Variants in TEX11 observed in about 807,000 individuals in gnomAD.
TEX11 encodes the protein testis expressed 11.
In TEX11, 7 loss-of-function variants were observed where a neutral mutation model predicts 84.4. The ratio of observed to expected loss-of-function variants is 0.08; its 90% confidence interval spans 0.05 to 0.16. The LOEUF (loss-of-function observed/expected upper bound fraction) is 0.16. Among genes scored for constraint, TEX11 ranks in the 10% least tolerant of loss-of-function variants. The pLI, the probability that TEX11 is intolerant of heterozygous loss-of-function variation, is 1.00. For missense variants in TEX11, 551 were observed against 660.5 expected, an observed-to-expected ratio of 0.83 and a Z score of 1.82; for synonymous variants, 264 against 222.8, an observed-to-expected ratio of 1.18 and a Z score of -1.64.
At chrX:70,846,776 T>A (rs1322979996) in intron 7 of TEX11, among the ~76,000 whole-genome samples, 2 of 110,922 alleles carry the variant, frequency 1.8e-5, no homozygotes, top group Non-Finnish European at 3.8e-5. Context: ...ATACAAAAAT[T>A]AGCCGGGCGT....
chrX:70,849,395 A>G (rs1251235868), intron 7 of TEX11, among the ~76,000 whole-genome samples: 1 of 112,049 alleles, frequency 8.9e-6, no homozygotes, highest in East Asian at 2.8e-4. Context: ...TATCTCACCA[A>G]TTAAACTATA....
intron 20 of TEX11, among the ~76,000 whole-genome samples, chrX:70,612,322 T>C (rs754183106): frequency 9.0e-6 from 1 of 111,222 alleles, no homozygotes; most frequent in Non-Finnish European, 1.9e-5. Flanking sequence ...GAGCAAGCAC[T>C]AGAACTAGAC....
intron 16 of TEX11, among the ~76,000 whole-genome samples, chrX:70,667,620 T>C (rs761303841): frequency 1.8e-5 from 2 of 111,939 alleles, no homozygotes; most frequent in Non-Finnish European, 3.8e-5. Context: ...TCAAGGTAAT[T>C]ATAGTGACAG....
chrX:70,865,485 C>T (rs976817450), intron 4 of TEX11, among the ~76,000 whole-genome samples: 2 of 111,414 alleles, frequency 1.8e-5, no homozygotes, highest in South Asian at 3.8e-4. Flanking sequence ...GACAGATCAA[C>T]GAGACAGAAA....
chrX:70,903,869 C>T (rs1355512831), intron 2 of TEX11, among the ~76,000 whole-genome samples: 1 of 107,921 alleles, frequency 9.3e-6, no homozygotes, highest in African/African-American at 3.4e-5. Flanking sequence ...CTCACTCTGT[C>T]ACCCAAGCTG....
the TEX11 span, among the ~76,000 whole-genome samples, chrX:70,515,268 A>C: frequency 0.029 from 2,210 of 74,925 alleles, no homozygotes; most frequent in Admixed American, 0.039. Flanking sequence ...TCCCTCCTCC[A>C]CCCCCCCCCA....
At chrX:70,539,038 A>ATATATATATATTTTTTTTTTT in intron 28 of TEX11, among the ~76,000 whole-genome samples, 2 of 41,255 alleles carry the variant, frequency 4.8e-5, no homozygotes, top group African/African-American at 1.8e-4. Flanking sequence ...ATATATATAT[A>ATATATATATATTTTTTTTTTT]TTTTTTTTTT....
At chrX:70,834,757 CTG>C (rs779152869) in intron 7 of TEX11, among the ~76,000 whole-genome samples, 1 of 101,453 alleles carries the variant, frequency 9.9e-6, no homozygotes, top group South Asian at 4.7e-4. Context: ...GAGCGAGACT[CTG>C]TCACAAAAAA....
chrX:70,829,734 T>C (rs1054307316), intron 8 of TEX11, among the ~76,000 whole-genome samples: 20 of 110,658 alleles, frequency 1.8e-4, no homozygotes, highest in Middle Eastern at 4.6e-3. Context: ...TGTGTGTGTA[T>C]GTGTGTGTTT....
At chrX:70,564,611 A>G (rs1341639153) in intron 25 of TEX11, among the ~76,000 whole-genome samples, 1 of 92,180 alleles carries the variant, frequency 1.1e-5, no homozygotes. Context: ...GTGTCCATGT[A>G]TTCTCATCGT....
Position 70,902,520 on chromosome X carries a change from C to CTTTG in TEX11, c.37+5229_37+5232dup, listed in dbSNP as rs762609912. ...TACTGTAACTTTTTTACTTTATAAGCTTTGTTTGTTTGTTTGTTTGAGATG... is the reference window on the plus strand; with the variant it reads ...TACTGTAACTTTTTTACTTTATAAGCTTTGTTTGTTTGTTTGTTTGTTTGAGATG... On this transcript the variant is annotated intron_variant, in intron 2 of 29. Coordinates refer to ENST00000374333, the MANE Select transcript of TEX11 (RefSeq NM_031276.3). 8.5e-3 allele frequency among the ~76,000 whole-genome samples: 943 copies of CTTTG among 111,259 alleles called. 13 individuals carry two copies. Among genetic ancestry groups the CTTTG allele is most frequent in the African/African-American group, 0.029 (887 of 30,608 alleles).
At chrX:70,553,204 A>G (rs2088241213) in intron 27 of TEX11, 102 bp downstream of exon 27, 2 of 472,836 alleles carry the variant, frequency 4.2e-6, no homozygotes, top group Admixed American at 4.2e-5. Flanking sequence ...GATCATCCCC[A>G]TATCATCTTT....
At chrX:70,707,893 A>G (rs2090390609) in intron 13 of TEX11, among the ~76,000 whole-genome samples, 1 of 110,946 alleles carries the variant, frequency 9.0e-6, no homozygotes, top group Admixed American at 9.7e-5. Flanking sequence ...TAAGTCCCCA[A>G]AAGCAATTGC....
intron 9 of TEX11, among the ~76,000 whole-genome samples, chrX:70,782,975 T>C (rs966299796): frequency 2.0e-4 from 22 of 111,074 alleles, no homozygotes; most frequent in African/African-American, 5.9e-4. Flanking sequence ...TCTGGACCAA[T>C]TGGACCTAAT....
chrX:70,764,389 A>G, intron 9 of TEX11, among the ~76,000 whole-genome samples: 1 of 111,922 alleles, frequency 8.9e-6, no homozygotes, highest in East Asian at 2.8e-4. Flanking sequence ...AAATTTTCAA[A>G]TAAACAACCT....
intron 20 of TEX11, among the ~76,000 whole-genome samples, chrX:70,614,691 G>A (rs189909535): frequency 9.0e-6 from 1 of 111,626 alleles, no homozygotes; most frequent in Non-Finnish European, 1.9e-5. Context: ...AGTGCTTACA[G>A]TGGGCCTTGG....
chrX:70,530,562 C>A lies in TEX11; in HGVS notation c.2521-563G>T, dbSNP rs142460973. ...TCACAAGATTATATTTGCTTCTTCA[C>A]AATACTTTGCAATAGTGAAAAGTAT... On this transcript the variant is annotated intron_variant, in intron 28 of 29. Coordinates refer to ENST00000374333, the MANE Select transcript of TEX11 (RefSeq NM_031276.3). 9.3e-3 allele frequency among the ~76,000 whole-genome samples: 1,039 copies of A among 111,800 alleles called. 8 individuals carry two copies. The highest frequency in any genetic ancestry group is 0.032 in the African/African-American group (993 of 30,798).
intron 2 of TEX11, among the ~76,000 whole-genome samples, chrX:70,906,138 A>G (rs1281013491): frequency 2.4e-5 from 2 of 83,209 alleles, no homozygotes; most frequent in Non-Finnish European, 4.7e-5. Context: ...TATATATCAC[A>G]ATGCTGAGCA....
intron 24 of TEX11, among the ~76,000 whole-genome samples, chrX:70,605,174 G>T (rs955895020): frequency 6.3e-5 from 7 of 111,476 alleles, no homozygotes; most frequent in African/African-American, 2.3e-4. Flanking sequence ...TCCATAGGAA[G>T]GGGAATTTTA....
Sources: allele counts gnomAD v4.1 joint callset (sites outside exome capture counted in the v4.1 genomes callset), GRCh38; gene constraint gnomAD v4.1.1; transcripts MANE v1.5; gene names NCBI Gene and HGNC (gene_info 2026-07-23, HGNC 2026-07-21).